Variants in MRTFA observed in about 807,000 individuals in gnomAD.
The protein encoded by MRTFA is myocardin related transcription factor A.
In MRTFA, 20 loss-of-function variants were observed where a neutral mutation model predicts 83.5. The observed-to-expected ratio is 0.24, with a 90% CI of 0.17 to 0.35. The LOEUF (loss-of-function observed/expected upper bound fraction) is 0.35. Among genes scored for constraint, MRTFA ranks in the 10% least tolerant of loss-of-function variants. The pLI is 1.00. For missense variants in MRTFA, 1,200 were observed against 1,224.7 expected (o/e 0.98, Z 0.30); for synonymous variants, 659 against 541.2 (o/e 1.22, Z -3.02).
chr22:40,518,743 C>G (rs1443452644), intron 3 of MRTFA, among the ~76,000 whole-genome samples: 1 of 124,886 alleles, frequency 8.0e-6, no homozygotes, highest in African/African-American at 3.0e-5. Flanking sequence ...TGCAGTGAGC[C>G]AAGATCATGC....
At chr22:40,587,702 T>C (rs527749845) in intron 2 of MRTFA, 48 of 337,190 alleles carry the variant, frequency 1.4e-4, no homozygotes, top group South Asian at 1.3e-3. Flanking sequence ...TGCAAACATG[T>C]GGCCTCCATG....
At chr22:40,459,780 T>TATACACACACACAC (rs2053664256) in intron 4 of MRTFA, among the ~76,000 whole-genome samples, 1 of 80,824 alleles carries the variant, frequency 1.2e-5, no homozygotes, top group Non-Finnish European at 2.5e-5. Context: ...ACTGATAAAA[T>TATACACACACACAC]ATACACACAC....
At chr22:40,622,207 C>T (rs192180642) in intron 1 of MRTFA, among the ~76,000 whole-genome samples, 9 of 152,160 alleles carry the variant, frequency 5.9e-5, no homozygotes, top group Admixed American at 1.3e-4. Context: ...TGGGGCCGGG[C>T]GCGGTGGCTC....
At chr22:40,607,158 C>G (rs1456438904) in intron 1 of MRTFA, among the ~76,000 whole-genome samples, 1 of 152,152 alleles carries the variant, frequency 6.6e-6, no homozygotes, top group African/African-American at 2.4e-5. Context: ...TCCTTGCCCT[C>G]AAAGCCCAGC....
chr22:40,477,286 G>A (rs1235016356), intron 3 of MRTFA, among the ~76,000 whole-genome samples: 1 of 151,568 alleles, frequency 6.6e-6, no homozygotes, highest in Non-Finnish European at 1.5e-5. Context: ...GGAGGCAGAG[G>A]TTGCAGTGAG....
Position 40,429,643 on chromosome 22 carries a change from G to C in MRTFA, c.564C>G (p.Ile188Met). The C allele has an allele frequency of 6.2e-7, 1 of 1,614,112 alleles. No individual in the cohort carries two copies. Among genetic ancestry groups the C allele is most frequent in the Non-Finnish European group, 8.5e-7 (1 of 1,180,010 alleles). The change falls in exon 7 of 15, where the codon ATC (isoleucine) becomes ATG (methionine). Residue 188 changes from isoleucine (I) to methionine (M), a missense_variant. This residue lies in a region of MRTFA where 93 missense variants were observed against 182.9 expected (regional missense o/e 0.51). Coordinates refer to ENST00000355630, the MANE Select transcript of MRTFA (RefSeq NM_020831.6). ...CCTTCAGGCTGGACTCAACAGGAAG[G>C]ATGTTCTTCTCCACCAGCTCCATGG... is the stretch of plus-strand genomic sequence containing the variant.
intron 3 of MRTFA, among the ~76,000 whole-genome samples, chr22:40,518,811 A>ACC (rs886101037): frequency 6.7e-6 from 1 of 148,476 alleles, no homozygotes; most frequent in Non-Finnish European, 1.5e-5. Flanking sequence ...AAAAAAAAAA[A>ACC]AAAAAAAAAA....
At chr22:40,559,852 A>G (rs1464431374) in intron 2 of MRTFA, among the ~76,000 whole-genome samples, 1 of 152,228 alleles carries the variant, frequency 6.6e-6, no homozygotes, top group African/African-American at 2.4e-5. Context: ...TAAAAGAAAT[A>G]AGCAATCTGA....
chr22:40,543,971 G>A (rs1306223061), intron 3 of MRTFA, among the ~76,000 whole-genome samples: 1 of 152,110 alleles, frequency 6.6e-6, no homozygotes, highest in Non-Finnish European at 1.5e-5. Flanking sequence ...GTGAGGGCAG[G>A]AATACACAAA....
At chr22:40,528,658 A>T (rs139903991) in intron 3 of MRTFA, among the ~76,000 whole-genome samples, 12,361 of 150,202 alleles carry the variant, frequency 0.082, 753 homozygotes, top group East Asian at 0.25. Context: ...AATCGCTTGA[A>T]CTCGGGAGGT....
intron 1 of MRTFA, among the ~76,000 whole-genome samples, chr22:40,631,059 C>G (rs1312844391): frequency 6.6e-6 from 1 of 152,130 alleles, no homozygotes; most frequent in African/African-American, 2.4e-5. Context: ...TAAGAGACAC[C>G]CTTAATGGCA....
In MRTFA at chr22:40,584,860, A is replaced by G. The variant is rs189127782; in HGVS notation, c.-22+9814T>C. 4.1e-3 allele frequency among the ~76,000 whole-genome samples: 624 copies of G among 152,112 alleles called. 2 individuals carry two copies. The highest frequency in any genetic ancestry group is 6.1e-3 in the Non-Finnish European group (417 of 67,982). On this transcript the variant is annotated intron_variant, in intron 2 of 14. Transcript: ENST00000355630. The stretch of plus-strand genomic sequence containing the variant: ...GGAGTTTAGGACCGGCCTAGCCAAC[A>G]TAGTGAAACCCCATCTCTACTAAAA...
intron 12 of MRTFA, among the ~76,000 whole-genome samples, chr22:40,418,026 G>A (rs6001908): frequency 0.057 from 8,694 of 152,112 alleles, 782 homozygotes; most frequent in African/African-American, 0.19. Flanking sequence ...GCCTCTCCCC[G>A]GGGCAGGCTA....
chr22:40,537,059 G>GT (rs549633260), intron 3 of MRTFA, among the ~76,000 whole-genome samples: 1 of 138 alleles, frequency 7.2e-3, no homozygotes, highest in African/African-American at 0.036. Flanking sequence ...CGTCCGGGAG[G>GT]AGGTGGGGGG....
intron 3 of MRTFA, among the ~76,000 whole-genome samples, chr22:40,541,275 T>C (rs1458282064): frequency 6.6e-6 from 1 of 152,170 alleles, no homozygotes; most frequent in African/African-American, 2.4e-5. Context: ...AAGCAACAAA[T>C]GTATTTTTAT....
At chr22:40,420,653 G>A (rs2052814130) in intron 10 of MRTFA, 77 bp from the exon 11 acceptor site, 3 of 1,568,988 alleles carry the variant, frequency 1.9e-6, no homozygotes, top group Non-Finnish European at 2.6e-6. Context: ...AGCCTGGGCA[G>A]CAGGATTGGG....
chr22:40,593,540 A>C (rs922456583), intron 2 of MRTFA, among the ~76,000 whole-genome samples: 1 of 152,200 alleles, frequency 6.6e-6, no homozygotes, highest in African/African-American at 2.4e-5. Flanking sequence ...CACACAGATC[A>C]CACCCAGAAA....
chr22:40,554,107 G>T, intron 2 of MRTFA, among the ~76,000 whole-genome samples: 1 of 152,114 alleles, frequency 6.6e-6, no homozygotes, highest in East Asian at 1.9e-4. Flanking sequence ...ACCCCCCATT[G>T]TATCTAGGAA....
chr22:40,601,752 T>A (rs2056261677), intron 1 of MRTFA, among the ~76,000 whole-genome samples: 1 of 152,198 alleles, frequency 6.6e-6, no homozygotes, highest in Admixed American at 6.5e-5. Flanking sequence ...GCCACTGTGA[T>A]CCACCTGAGT....
Sources: gnomAD v4.1 joint callset for allele counts (sites outside exome capture counted in the v4.1 genomes callset) on GRCh38, gnomAD v4.1.1 for gene constraint, gnomAD v4.1.1 regional missense constraint, MANE v1.5 for transcripts, NCBI Gene and HGNC (gene_info 2026-07-23, HGNC 2026-07-21) for gene names.